Variants in UBE2T observed in about 807,000 individuals in gnomAD.
UBE2T encodes the protein ubiquitin-conjugating enzyme E2 T.
In UBE2T, 15 loss-of-function variants were observed where a neutral mutation model predicts 23.3. The observed-to-expected ratio is 0.64, with a 90% CI of 0.43 to 0.99. The LOEUF is 0.99. UBE2T is among the 50% of genes least tolerant of loss of function. UBE2T has a pLI of 0.00. For synonymous variants in UBE2T, 67 were observed against 78.4 expected, an observed-to-expected ratio of 0.85 and a Z score of 0.77; for missense variants, 197 against 234.9, an observed-to-expected ratio of 0.84 and a Z score of 1.05.
At chr1:202,339,544 A>C (rs1241298204) in intron 1 of UBE2T, among the ~76,000 whole-genome samples, 3 of 146,526 alleles carry the variant, frequency 2.0e-5, no homozygotes, top group South Asian at 4.3e-4. Flanking sequence ...AGTGTTTTGT[A>C]CTTCAAGATC....
intron 1 of UBE2T, among the ~76,000 whole-genome samples, chr1:202,341,678 T>C (rs1655010021): frequency 6.6e-6 from 1 of 150,812 alleles, no homozygotes; most frequent in Non-Finnish European, 1.5e-5. Flanking sequence ...TTCTCCCTGC[T>C]GTGGCAGGAG....
rs1654888573 is a variant in UBE2T, at chr1:202,336,514, C to T, written c.-64-696G>A. Among the ~76,000 whole-genome samples, 5 of 152,126 alleles carry T rather than the reference C, an allele frequency of 3.3e-5. No homozygotes were observed. The South Asian group carries it at 8.3e-4, about 25-fold the overall frequency. On this transcript the variant is annotated intron_variant, in intron 1 of 6. Transcript: ENST00000646651. ...AGAACTAAAAATGCAAAAAGTTCTA[C>T]AAAAAATAAAAACACTAAAGGTTTT...
chr1:202,331,969 G>C lies in UBE2T; in HGVS notation c.469-9C>G. On this transcript the variant is annotated splice_polypyrimidine_tract_variant and intron_variant, in intron 6 of 6. Transcript: ENST00000646651. ...ATCTCTTCCTCATCAGCCTAAAGAG[G>C]AGACAGGGTGAAACACAGTAAGGTT... 1.9e-6 allele frequency: 3 copies of C among 1,613,896 alleles called. No individual in the cohort carries two copies. The highest frequency in any genetic ancestry group is 2.5e-6 in the Non-Finnish European group (3 of 1,179,888).
chr1:202,339,672 A>G (rs933601913), intron 1 of UBE2T, among the ~76,000 whole-genome samples: 1 of 151,830 alleles, frequency 6.6e-6, no homozygotes, highest in Admixed American at 6.6e-5. Context: ...ATTATTCCCT[A>G]AACAATACAG....
Position 202,333,432 on chromosome 1 carries a change from C to T in UBE2T, c.285+18G>A, listed in dbSNP as rs143142231. ...GAAAACAGAATGCTGTAGAGTCAAC[C>T]ATTTACCCACAACTCACTTTTGGTG... is the stretch of plus-strand genomic sequence containing the variant. On this transcript the variant is annotated intron_variant, in intron 4 of 6. Transcript: ENST00000646651. The T allele has an allele frequency of 2.1e-5, 34 of 1,613,640 alleles. No homozygotes were observed. In the African/African-American group the frequency reaches 3.5e-4, roughly 16 times the overall value.
chr1:202,336,068 T>C (rs1278924914), intron 1 of UBE2T, among the ~76,000 whole-genome samples: 2 of 151,630 alleles, frequency 1.3e-5, no homozygotes, highest in East Asian at 1.9e-4. Flanking sequence ...TGCACCACCA[T>C]GCCCAGCTCA....
At chr1:202,341,355 G>C (rs1037328715) in intron 1 of UBE2T, among the ~76,000 whole-genome samples, 13 of 151,594 alleles carry the variant, frequency 8.6e-5, no homozygotes, top group Admixed American at 1.3e-4. Flanking sequence ...GAGGCGGGCG[G>C]ATCACGAGGT....
chr1:202,333,681 C>A, intron 3 of UBE2T, 126 bp from the exon 4 acceptor site: 1 of 746,324 alleles, frequency 1.3e-6, no homozygotes, highest in Admixed American at 3.2e-5. Context: ...CTTTGGGAGG[C>A]AAACTTTCTC....
rs777741257 is a variant in UBE2T, at chr1:202,333,473, C to G, written c.262G>C (p.Asp88His). ...NIDSAGRICL[D>H]VLKLPPKGAW... ...ACTTTTGGTGGCAATTTGAGAACAT[C>G]CAGACAAATCCTTCCAGCAGAATCA... The change falls in exon 4 of 7, where the codon GAT (aspartate) becomes CAT (histidine). Residue 88 changes from aspartate (D) to histidine (H), a missense_variant. Physicochemically the swap from Asp to His is moderately conservative, Grantham distance 81. Coordinates refer to ENST00000646651, the MANE Select transcript of UBE2T (RefSeq NM_014176.4). 2.1e-5 allele frequency: 34 copies of G among 1,614,128 alleles called. No homozygotes were observed. The South Asian group carries it at 3.6e-4, about 17-fold the overall frequency.
rs371273182 is a variant in UBE2T, at chr1:202,335,791, C to G, written c.-37G>C. On this transcript the variant is annotated 5_prime_UTR_variant, in exon 2 of 7. Transcript: ENST00000646651. The surrounding 1 kb of genome is among the most constrained non-coding windows in gnomAD (Gnocchi z 4.0). ...AGAAGGAACCACACACAGTTCACTG[C>G]TCCACACTAAGAGCTGCCTGGGATG... The G allele has an allele frequency of 3.1e-6, 5 of 1,589,960 alleles. No individual in the cohort carries two copies. In the African/African-American group the frequency reaches 5.4e-5, roughly 17 times the overall value.
intron 5 of UBE2T, 51 bp from the exon 6 acceptor site, chr1:202,333,144 T>C: frequency 6.3e-7 from 1 of 1,598,228 alleles, no homozygotes. Context: ...TGATTTGCAG[T>C]GGTTAGAGCT....
At position 202,333,482 on chromosome 1, in the gene UBE2T, T is replaced by G; in HGVS notation, c.253A>C (p.Ile85Leu). ...YHPNIDSAGRICLDVLKLPPK... is the reference protein window; with the variant it reads ...YHPNIDSAGRLCLDVLKLPPK... ...GGCAATTTGAGAACATCCAGACAAA[T>G]CCTTCCAGCAGAATCAATGTTTGGA... The change falls in exon 4 of 7, where the codon ATT (isoleucine) becomes CTT (leucine). Residue 85 changes from isoleucine (I) to leucine (L), a missense_variant. Ile to Leu is a conservative substitution (Grantham distance 5). Coordinates refer to ENST00000646651, the MANE Select transcript of UBE2T (RefSeq NM_014176.4). 6.2e-7 allele frequency: 1 copy of G among 1,614,172 alleles called. No homozygotes were observed. Among genetic ancestry groups the G allele is most frequent in the Non-Finnish European group, 8.5e-7 (1 of 1,180,034 alleles).
chr1:202,340,386 C>T (rs1395819417), intron 1 of UBE2T, among the ~76,000 whole-genome samples: 1 of 146,156 alleles, frequency 6.8e-6, no homozygotes, highest in African/African-American at 2.6e-5. Flanking sequence ...TGGTGGTGCA[C>T]GCCTGTAATC....
intron 1 of UBE2T, among the ~76,000 whole-genome samples, chr1:202,340,229 A>ACAAAC (rs1171968318): frequency 2.3e-5 from 3 of 131,116 alleles, no homozygotes; most frequent in Non-Finnish European, 1.6e-5. Context: ...ACAAAACAAA[A>ACAAAC]CTGGCCAGGC....
chr1:202,338,289 G>A (rs1317201502), intron 1 of UBE2T, among the ~76,000 whole-genome samples: 2 of 151,638 alleles, frequency 1.3e-5, no homozygotes, highest in East Asian at 3.9e-4. Context: ...GTGTGCTCTT[G>A]GCTCACCGCA....
intron 1 of UBE2T, among the ~76,000 whole-genome samples, chr1:202,339,137 C>G (rs540577946): frequency 8.7e-4 from 104 of 118,998 alleles, no homozygotes; most frequent in African/African-American, 3.1e-3. Flanking sequence ...TAATTTGTTA[C>G]TAGGTTGTCT....
At chr1:202,337,716 A>AT (rs1654918690) in intron 1 of UBE2T, among the ~76,000 whole-genome samples, 1 of 152,142 alleles carries the variant, frequency 6.6e-6, no homozygotes, top group South Asian at 2.1e-4. Flanking sequence ...TAGCTTATTC[A>AT]TTTTTTATTA....
intron 6 of UBE2T, 108 bp from the exon 7 acceptor site, chr1:202,332,068 A>ATTTTTTTCAAGCAG: frequency 1.4e-6 from 2 of 1,409,724 alleles, no homozygotes. Flanking sequence ...TGCAAGATTT[A>ATTTTTTTCAAGCAG]AATACAGTAT....
chr1:202,335,556 C>G lies in UBE2T; in HGVS notation c.109+90G>C. On this transcript the variant is annotated intron_variant, in intron 2 of 6. Coordinates refer to ENST00000646651, the MANE Select transcript of UBE2T (RefSeq NM_014176.4). The surrounding 1 kb of genome is among the most constrained non-coding windows in gnomAD (Gnocchi z 4.0). Reference sequence around the variant, plus strand: ...GGGCACTCTGACCTTATAACTGCTCCTTACTTTAGAAGAATACACAAAATG... The same window carrying G: ...GGGCACTCTGACCTTATAACTGCTCGTTACTTTAGAAGAATACACAAAATG... The G allele has an allele frequency of 7.6e-7, 1 of 1,320,486 alleles. No homozygotes were observed. Among genetic ancestry groups the G allele is most frequent in the Non-Finnish European group, 1.1e-6 (1 of 932,292 alleles). The allele number at this position is 1,320,486 out of a possible 1,614,324, so 81.8% of individuals were successfully genotyped here.
Sources: allele counts gnomAD v4.1 joint callset (sites outside exome capture counted in the v4.1 genomes callset), GRCh38; gene constraint gnomAD v4.1.1; non-coding constraint Gnocchi (gnomAD v3.1); transcripts MANE v1.5; gene names NCBI Gene and HGNC (gene_info 2026-07-23, HGNC 2026-07-21).